Variants in RBFOX1 observed in about 807,000 individuals in gnomAD.
RBFOX1 encodes the protein RNA binding protein fox-1 homolog 1.
Under a neutral mutation model 57.7 loss-of-function variants are expected in RBFOX1, and 8 were observed. That is an observed-to-expected ratio of 0.14 (90% CI 0.08 to 0.25). The LOEUF (loss-of-function observed/expected upper bound fraction) is 0.25. Ranked by LOEUF, RBFOX1 falls within the 10% of genes least tolerant of loss-of-function variation. The pLI, the probability that RBFOX1 is intolerant of heterozygous loss-of-function variation, is 1.00. For missense variants in RBFOX1, 611 were observed against 548.5 expected (o/e 1.11, Z -1.14); for synonymous variants, 326 against 222.4 (o/e 1.47, Z -4.15).
chr16:5,820,710 C>G (rs556069456), intron 3 of RBFOX1, among the ~76,000 whole-genome samples: 1 of 152,288 alleles, frequency 6.6e-6, no homozygotes, highest in South Asian at 2.1e-4. Flanking sequence ...GGACGCGACT[C>G]CAGCAGCGTC....
intron 3 of RBFOX1, among the ~76,000 whole-genome samples, chr16:7,030,370 C>G (rs2042477984): frequency 6.6e-6 from 1 of 152,142 alleles, no homozygotes; most frequent in African/African-American, 2.4e-5. Flanking sequence ...AACTGGATGG[C>G]TTTAAAACAA....
intron 1 of RBFOX1, among the ~76,000 whole-genome samples, chr16:5,452,775 C>T (rs1345754646): frequency 1.3e-5 from 2 of 152,016 alleles, no homozygotes; most frequent in Non-Finnish European, 2.9e-5. Flanking sequence ...TCCTGAATAG[C>T]TTGGATTACA....
chr16:7,232,127 G>C (rs1226361296), intron 4 of RBFOX1, among the ~76,000 whole-genome samples: 1 of 152,164 alleles, frequency 6.6e-6, no homozygotes, highest in East Asian at 1.9e-4. Context: ...AGGTTCAAGC[G>C]ATTCTCCTGC....
At chr16:7,367,115 G>C (rs762560073) in intron 4 of RBFOX1, among the ~76,000 whole-genome samples, 25 of 151,134 alleles carry the variant, frequency 1.7e-4, no homozygotes, top group Non-Finnish European at 2.4e-4. Context: ...AAATACTGCC[G>C]GTGAGCCCAT....
At chr16:6,441,011 T>G (rs556641440) in intron 2 of RBFOX1, among the ~76,000 whole-genome samples, 1 of 152,050 alleles carries the variant, frequency 6.6e-6, no homozygotes, top group East Asian at 1.9e-4. Flanking sequence ...CAAACATGAT[T>G]GGAGTCAGTG....
At chr16:6,575,302 C>T (rs1332852530) in intron 2 of RBFOX1, among the ~76,000 whole-genome samples, 1 of 152,004 alleles carries the variant, frequency 6.6e-6, no homozygotes, top group East Asian at 1.9e-4. Context: ...GTTGTTTGGT[C>T]CTTGTATATT....
chr16:6,453,807 T>C (rs1423693560), intron 2 of RBFOX1, among the ~76,000 whole-genome samples: 1 of 152,222 alleles, frequency 6.6e-6, no homozygotes, highest in Non-Finnish European at 1.5e-5. Context: ...ACTAGTTACA[T>C]TTCAAGTGCT....
intron 3 of RBFOX1, among the ~76,000 whole-genome samples, chr16:6,856,119 T>TCCTTCCCTTC (rs1555533595): frequency 5.9e-5 from 9 of 151,748 alleles, no homozygotes; most frequent in East Asian, 2.0e-4. Context: ...TTCTTCCCTT[T>TCCTTCCCTTC]CCTTCCCTTC....
chr16:5,362,907 C>G (rs563690290), intron 1 of RBFOX1, among the ~76,000 whole-genome samples: 1 of 152,132 alleles, frequency 6.6e-6, no homozygotes, highest in Non-Finnish European at 1.5e-5. Context: ...TATGAATATA[C>G]CATGCTTCCT....
chr16:5,308,438 G>A (rs2063995753), intron 1 of RBFOX1, among the ~76,000 whole-genome samples: 1 of 152,082 alleles, frequency 6.6e-6, no homozygotes, highest in Admixed American at 6.5e-5. Flanking sequence ...TGATCACCAA[G>A]GCTCAGATAA....
intron 4 of RBFOX1, among the ~76,000 whole-genome samples, chr16:7,486,044 T>A (rs1315446231): frequency 6.6e-6 from 1 of 151,950 alleles, no homozygotes; most frequent in East Asian, 1.9e-4. Flanking sequence ...CAATTTCTGA[T>A]CCTTCTTCTG....
chr16:7,091,507 A>G (rs529443194), intron 4 of RBFOX1, among the ~76,000 whole-genome samples: 2 of 151,586 alleles, frequency 1.3e-5, no homozygotes, highest in South Asian at 4.2e-4. Flanking sequence ...CTCTCCTTTT[A>G]CCAATGTAGT....
intron 4 of RBFOX1, among the ~76,000 whole-genome samples, chr16:7,090,914 C>T (rs1282870274): frequency 6.6e-6 from 1 of 152,028 alleles, no homozygotes; most frequent in East Asian, 1.9e-4. Context: ...CAAACTCCTG[C>T]TCTCCTGTGG....
At chr16:5,572,130 A>T (rs2151134732) in intron 2 of RBFOX1, among the ~76,000 whole-genome samples, 1 of 152,280 alleles carries the variant, frequency 6.6e-6, no homozygotes, top group East Asian at 1.9e-4. Flanking sequence ...TTTGTTAGGA[A>T]TGGAATGGCT....
intron 3 of RBFOX1, among the ~76,000 whole-genome samples, chr16:6,997,459 C>A (rs1346565023): frequency 6.6e-6 from 1 of 152,114 alleles, no homozygotes; most frequent in East Asian, 1.9e-4. Context: ...ATTGCACCAG[C>A]AATAAACTTT....
At chr16:6,841,801 C>G (rs556053526) in intron 3 of RBFOX1, among the ~76,000 whole-genome samples, 93 of 152,212 alleles carry the variant, frequency 6.1e-4, no homozygotes, top group African/African-American at 2.1e-3. Context: ...GTGAACATCA[C>G]TGTCTTCATG....
intron 1 of RBFOX1, among the ~76,000 whole-genome samples, chr16:6,206,957 T>C (rs1444373230): frequency 4.0e-5 from 6 of 151,332 alleles, no homozygotes; most frequent in African/African-American, 1.2e-4. Context: ...ATTCTTAAGA[T>C]AGTGAACTGG....
chr16:5,317,503 G>T (rs543047486), intron 1 of RBFOX1, among the ~76,000 whole-genome samples: 1 of 152,310 alleles, frequency 6.6e-6, no homozygotes, highest in African/African-American at 2.4e-5. Context: ...CAGCTACTTA[G>T]GAGACTGAGG....
At chr16:7,011,008 G>T (rs1764274370) in intron 3 of RBFOX1, among the ~76,000 whole-genome samples, 1 of 151,444 alleles carries the variant, frequency 6.6e-6, no homozygotes, top group Non-Finnish European at 1.5e-5. Flanking sequence ...TTTGTTTGTT[G>T]TTTGTTTGTT....
Sources: allele counts gnomAD v4.1 joint callset (sites outside exome capture counted in the v4.1 genomes callset), GRCh38; gene constraint gnomAD v4.1.1; transcripts MANE v1.5; gene names NCBI Gene and HGNC (gene_info 2026-07-23, HGNC 2026-07-21).